Variants in NFIX observed in about 807,000 individuals in gnomAD.
The protein encoded by NFIX is nuclear factor 1 X-type.
NFIX carries 2 observed loss-of-function variants against 53.3 expected under a neutral mutation model. That is an observed-to-expected ratio of 0.04 (90% confidence interval 0.02 to 0.12). The LOEUF (loss-of-function observed/expected upper bound fraction) is 0.12, where lower values mean the gene tolerates loss of function less well. NFIX is among the 10% of genes least tolerant of loss of function. NFIX has a pLI of 1.00. For synonymous variants in NFIX, 244 were observed against 289.0 expected (o/e 0.84, Z 1.58); for missense variants, 310 against 674.5 (o/e 0.46, Z 5.99).
At chr19:13,039,747 A>G (rs1403060197) in intron 2 of NFIX, among the ~76,000 whole-genome samples, 1 of 152,150 alleles carries the variant, frequency 6.6e-6, no homozygotes, top group Admixed American at 6.5e-5. Context: ...AGTTTCTCTT[A>G]GGCTGGAATC....
In NFIX at chr19:13,060,317, C is replaced by A. The variant is rs1001298218; in HGVS notation, c.560-12730C>A. ...GAAGCCTTGGATGGGCCATTCCTGG[C>A]CCAGAGCCTGAGGCCATTGGAAAGG... On this transcript the variant is annotated intron_variant, in intron 2 of 10. Transcript: ENST00000592199. This position sits in a 1 kb window ranked among gnomAD's most constrained non-coding sequence, Gnocchi z 4.3. Among the ~76,000 whole-genome samples the A allele has an allele frequency of 2.6e-5, 4 of 152,266 alleles. No homozygotes were observed. Among genetic ancestry groups the A allele is most frequent in the African/African-American group, 9.6e-5 (4 of 41,474 alleles).
rs2012425775 is a variant in NFIX, at chr19:13,012,670, A to G, written c.28-12351A>G. On this transcript the variant is annotated intron_variant, in intron 1 of 10. Coordinates refer to ENST00000592199, the MANE Select transcript of NFIX (RefSeq NM_001365902.3). This position sits in a 1 kb window ranked among gnomAD's most constrained non-coding sequence, Gnocchi z 5.0. ...CCATCCTGACATCCGACGGAGGATAATGCGCGTTGGAGGGCTTTGGCCGTG... is the reference window on the plus strand; with the variant it reads ...CCATCCTGACATCCGACGGAGGATAGTGCGCGTTGGAGGGCTTTGGCCGTG... Among the ~76,000 whole-genome samples the G allele has an allele frequency of 6.6e-6, 1 of 152,198 alleles. No individual in the cohort carries two copies. Among genetic ancestry groups the G allele is most frequent in the South Asian group, 2.1e-4 (1 of 4,828 alleles).
In NFIX at chr19:13,081,686, C is replaced by T. The variant is rs747421720; in HGVS notation, c.1085C>T (p.Pro362Leu). 1 of 1,613,072 alleles carries T rather than the reference C, an allele frequency of 6.2e-7. No individual in the cohort carries two copies. Among genetic ancestry groups the T allele is most frequent in the Non-Finnish European group, 8.5e-7 (1 of 1,179,230 alleles). Residue 362 changes from proline to leucine, a missense_variant, in exon 8 of 11, where the codon CCC becomes CTC. By Grantham distance (98) the Pro-to-Leu change is moderately conservative (BLOSUM62 -3). Around this residue, in one of 5 missense-constraint regions of NFIX, gnomAD observed 164 missense variants for 284.4 expected, o/e 0.58. Coordinates refer to ENST00000592199, the MANE Select transcript of NFIX (RefSeq NM_001365902.3). This position sits in a 1 kb window ranked among gnomAD's most constrained non-coding sequence, Gnocchi z 4.7. The stretch of plus-strand genomic sequence containing the variant: ...CCTGCCCACGTGCATGCAGGGAGCC[C>T]CCGGGCCACAGCATCAGCCCTGCAC... ...PVLAGVRPGS[P>L]RATASALHFP...
intron 1 of NFIX, among the ~76,000 whole-genome samples, chr19:13,019,794 T>G (rs1359991776): frequency 2.0e-5 from 3 of 151,194 alleles, no homozygotes. Flanking sequence ...TCTTCCATAA[T>G]GGCAGCAAAA....
Position 13,072,195 on chromosome 19 carries a change from C to T in NFIX, c.560-852C>T, listed in dbSNP as rs1462927345. Among the ~76,000 whole-genome samples, 1 of 152,230 alleles carries T rather than the reference C, an allele frequency of 6.6e-6. No homozygotes were observed. Among genetic ancestry groups the T allele is most frequent in the Non-Finnish European group, 1.5e-5 (1 of 68,042 alleles). ...GCATTCTGGAGGTCCCCGTTGTGCC[C>T]CTGGCACACAAAGCTTTGAGGACCA... is the stretch of plus-strand genomic sequence containing the variant. On this transcript the variant is annotated intron_variant, in intron 2 of 10. Coordinates refer to ENST00000592199, the MANE Select transcript of NFIX (RefSeq NM_001365902.3). The surrounding 1 kb of genome is among the most constrained non-coding windows in gnomAD (Gnocchi z 4.0).
intron 2 of NFIX, among the ~76,000 whole-genome samples, chr19:13,032,450 C>A (rs1409086963): frequency 6.6e-6 from 1 of 152,170 alleles, no homozygotes; most frequent in Non-Finnish European, 1.5e-5. Flanking sequence ...CATGACATTC[C>A]CCTGTGTGTT....
At chr19:13,044,380 G>A (rs1287005636) in intron 2 of NFIX, among the ~76,000 whole-genome samples, 1 of 152,218 alleles carries the variant, frequency 6.6e-6, no homozygotes, top group East Asian at 1.9e-4. Context: ...TGTTCAGGAT[G>A]TGCTAACCTG....
At chr19:13,092,816 C>G (rs901253196) in intron 10 of NFIX, among the ~76,000 whole-genome samples, 1 of 152,254 alleles carries the variant, frequency 6.6e-6, no homozygotes, top group Non-Finnish European at 1.5e-5. Flanking sequence ...CTCCCCCACC[C>G]ACTCTGGGGA....
Position 13,022,973 on chromosome 19 carries a change from C to T in NFIX, c.28-2048C>T, listed in dbSNP as rs2013028230. 6.6e-6 allele frequency among the ~76,000 whole-genome samples: 1 copy of T among 152,132 alleles called. No individual in the cohort carries two copies. Among genetic ancestry groups the T allele is most frequent in the Non-Finnish European group, 1.5e-5 (1 of 68,030 alleles). On this transcript the variant is annotated intron_variant, in intron 1 of 10. Coordinates refer to ENST00000592199, the MANE Select transcript of NFIX (RefSeq NM_001365902.3). This position sits in a 1 kb window ranked among gnomAD's most constrained non-coding sequence, Gnocchi z 4.5. ...GTCTCCAACTGCCGGGGGCTCTCCC[C>T]ACCCTCCCTGCTCGCCCGGTTCCCT...
Position 13,073,514 on chromosome 19 carries a change from T to C in NFIX, c.697+18T>C. On this transcript the variant is annotated intron_variant, in intron 4 of 10. Transcript: ENST00000592199. This position sits in a 1 kb window ranked among gnomAD's most constrained non-coding sequence, Gnocchi z 4.5. ...ATCACAGAGTAAGTGAGTCCTTCCT[T>C]CCAGGCCAGGGATGGGGATTGAAAG... 1 of 1,609,030 alleles carries C rather than the reference T, an allele frequency of 6.2e-7. No individual in the cohort carries two copies. The highest frequency in any genetic ancestry group is 8.5e-7 in the Non-Finnish European group (1 of 1,175,436).
At chr19:13,030,886 CAGTT>C (rs756122156) in intron 2 of NFIX, among the ~76,000 whole-genome samples, 3 of 152,228 alleles carry the variant, frequency 2.0e-5, no homozygotes, top group Non-Finnish European at 4.4e-5. Flanking sequence ...AGCACGACAT[CAGTT>C]AGAGCATTTA....
In NFIX at chr19:12,998,534, G is replaced by T. The variant is rs2011552685; in HGVS notation, c.27+2670G>T. Among the ~76,000 whole-genome samples, 1 of 152,032 alleles carries T rather than the reference G, an allele frequency of 6.6e-6. No homozygotes were observed. The highest frequency in any genetic ancestry group is 2.1e-4 in the South Asian group (1 of 4,818). On this transcript the variant is annotated intron_variant, in intron 1 of 10. Transcript: ENST00000592199. The surrounding 1 kb of genome is among the most constrained non-coding windows in gnomAD (Gnocchi z 4.4). Reference sequence around the variant, plus strand: ...GGGTGGGGCGGTTCCTGGAGCTGCTGGAGTCCATTGTAGCCACAGTCCTGA... The same window carrying T: ...GGGTGGGGCGGTTCCTGGAGCTGCTTGAGTCCATTGTAGCCACAGTCCTGA...
At position 13,060,083 on chromosome 19, in the gene NFIX, C is replaced by T. The variant is rs1174154587; in HGVS notation, c.560-12964C>T. Among the ~76,000 whole-genome samples, 2 of 152,216 alleles carry T rather than the reference C, an allele frequency of 1.3e-5. No homozygotes were observed. The highest frequency in any genetic ancestry group is 3.9e-4 in the East Asian group (2 of 5,192). ...GATTACAGGCATGAGCCACCGCACC[C>T]GGCCAAGAGGAACGCTTTTGGCCTC... On this transcript the variant is annotated intron_variant, in intron 2 of 10. Coordinates refer to ENST00000592199, the MANE Select transcript of NFIX (RefSeq NM_001365902.3). The surrounding 1 kb of genome is among the most constrained non-coding windows in gnomAD (Gnocchi z 4.3).
chr19:13,039,092 AG>A (rs2014420868), intron 2 of NFIX, among the ~76,000 whole-genome samples: 1 of 152,158 alleles, frequency 6.6e-6, no homozygotes, highest in Non-Finnish European at 1.5e-5. Context: ...GCCAAGAGAG[AG>A]GCCTCTGCCC....
At position 13,011,034 on chromosome 19, in the gene NFIX, G is replaced by A. The variant is rs2012311850; in HGVS notation, c.28-13987G>A. ...GTAAGAACCGCTCCCCCCTCTTCCC[G>A]CTCCACGTTTGTACTTGGATTTTAC... On this transcript the variant is annotated intron_variant, in intron 1 of 10. Transcript: ENST00000592199. The surrounding 1 kb of genome is among the most constrained non-coding windows in gnomAD (Gnocchi z 6.5). 6.6e-6 allele frequency among the ~76,000 whole-genome samples: 1 copy of A among 151,968 alleles called. No homozygotes were observed. Among genetic ancestry groups the A allele is most frequent in the African/African-American group, 2.4e-5 (1 of 41,356 alleles).
In NFIX at chr19:13,037,111, G is replaced by A. The variant is rs372479649; in HGVS notation, c.559+11559G>A. Among the ~76,000 whole-genome samples, 1 of 152,142 alleles carries A rather than the reference G, an allele frequency of 6.6e-6. No individual in the cohort carries two copies. The highest frequency in any genetic ancestry group is 2.4e-5 in the African/African-American group (1 of 41,422). ...GGTATTTGACCCAACGGGAAGCAAG[G>A]CAGTAGACTCCGTTTCCTTTCATCT... On this transcript the variant is annotated intron_variant, in intron 2 of 10. Coordinates refer to ENST00000592199, the MANE Select transcript of NFIX (RefSeq NM_001365902.3). The surrounding 1 kb of genome is among the most constrained non-coding windows in gnomAD (Gnocchi z 4.2).
At position 13,025,594 on chromosome 19, in the gene NFIX, C is replaced by G; in HGVS notation, c.559+42C>G. 1 of 1,582,884 alleles carries G rather than the reference C, an allele frequency of 6.3e-7. No individual in the cohort carries two copies. Among genetic ancestry groups the G allele is most frequent in the Non-Finnish European group, 8.6e-7 (1 of 1,165,766 alleles). On this transcript the variant is annotated intron_variant, in intron 2 of 10. Coordinates refer to ENST00000592199, the MANE Select transcript of NFIX (RefSeq NM_001365902.3). This position sits in a 1 kb window ranked among gnomAD's most constrained non-coding sequence, Gnocchi z 7.5. ...CATTTTTCCCTCTCATTTTATTTTC[C>G]TTGCTGGCATTTGTTCTGTTTATTG...
intron 2 of NFIX, among the ~76,000 whole-genome samples, chr19:13,035,328 C>G (rs1047880413): frequency 6.6e-6 from 1 of 152,210 alleles, no homozygotes; most frequent in Non-Finnish European, 1.5e-5. Context: ...TTCACCTCCC[C>G]CTGGTTGGAA....
intron 2 of NFIX, among the ~76,000 whole-genome samples, chr19:13,039,902 G>T (rs2014498605): frequency 6.6e-6 from 1 of 152,126 alleles, no homozygotes; most frequent in South Asian, 2.1e-4. Context: ...TGATGTAAAG[G>T]CTCACGATGG....
Sources: gnomAD v4.1 joint callset for allele counts (sites outside exome capture counted in the v4.1 genomes callset) on GRCh38, gnomAD v4.1.1 for gene constraint, gnomAD v4.1.1 regional missense constraint, Gnocchi (gnomAD v3.1) non-coding constraint, MANE v1.5 for transcripts, NCBI Gene and HGNC (gene_info 2026-07-23, HGNC 2026-07-21) for gene names.